The following SCAF11 variants were observed in gnomAD, a reference collection of about 807,000 sequenced individuals.
SCAF11 encodes the protein protein SCAF11.
A neutral mutation model predicts 140.5 loss-of-function variants in SCAF11; 47 were observed. The ratio of observed to expected loss-of-function variants is 0.33; its 90% CI spans 0.26 to 0.43. The LOEUF (loss-of-function observed/expected upper bound fraction) is 0.43. Among genes scored for constraint, SCAF11 ranks in the 20% least tolerant of loss-of-function variants. The probability of loss-of-function intolerance (pLI) is 1.00; values close to 1 mark genes in which losing one functional copy is unlikely to be tolerated. For synonymous variants in SCAF11, 557 were observed against 579.4 expected, an observed-to-expected ratio of 0.96 and a Z score of 0.55; for missense variants, 1,645 against 1,705.1, an observed-to-expected ratio of 0.96 and a Z score of 0.62.
chr12:45,979,291 G>A (rs1266483437), intron 1 of SCAF11, among the ~76,000 whole-genome samples: 5 of 151,674 alleles, frequency 3.3e-5, no homozygotes, highest in African/African-American at 9.7e-5. Flanking sequence ...ATTTTGGAGA[G>A]GGCATAAACA....
intron 6 of SCAF11, 72 bp downstream of exon 6, chr12:45,945,177 A>G (rs1945391157): frequency 1.2e-6 from 1 of 868,748 alleles, no homozygotes; most frequent in Non-Finnish European, 1.9e-6. Context: ...TACTGATGAG[A>G]ACTCTGACAC....
At chr12:45,943,775 C>T (rs1300526463) in intron 6 of SCAF11, among the ~76,000 whole-genome samples, 1 of 152,288 alleles carries the variant, frequency 6.6e-6, no homozygotes, top group East Asian at 1.9e-4. Flanking sequence ...CTAAACCAAA[C>T]AAACGACTTC....
chr12:45,929,936 T>A (rs1415680267), intron 10 of SCAF11: 1 of 152,172 alleles, frequency 6.6e-6, no homozygotes, highest in Non-Finnish European at 1.5e-5. Context: ...ATTGAAACAG[T>A]TTTTACTCCC....
In SCAF11 at chr12:45,939,525, CCT is replaced by C. The variant is rs375594015; in HGVS notation, c.464-5022_464-5021del. 2.6e-3 allele frequency among the ~76,000 whole-genome samples: 397 copies of C among 152,156 alleles called. 13 individuals carry two copies. In the South Asian group the frequency reaches 0.068, roughly 26 times the overall value. On this transcript the variant is annotated intron_variant, in intron 6 of 14. Coordinates refer to ENST00000369367, the MANE Select transcript of SCAF11 (RefSeq NM_004719.3). ...AGCCTGACCAACATGGTGAAATTCCCCTGTCTCTACTAAAAATACAAAAGTAG... is the reference window on the plus strand; with the variant it reads ...AGCCTGACCAACATGGTGAAATTCCCGTCTCTACTAAAAATACAAAAGTAG...
chr12:45,967,314 A>C (rs1945972746), intron 1 of SCAF11, among the ~76,000 whole-genome samples: 1 of 152,174 alleles, frequency 6.6e-6, no homozygotes, highest in South Asian at 2.1e-4. Context: ...GAAACTGAGA[A>C]ACCTCAATCA....
intron 1 of SCAF11, among the ~76,000 whole-genome samples, chr12:45,982,656 G>C (rs910652673): frequency 6.6e-6 from 1 of 152,220 alleles, no homozygotes; most frequent in African/African-American, 2.4e-5. Context: ...AGTGAACCGA[G>C]ATTGTACCAC....
At chr12:45,939,635 T>C (rs1016012087) in intron 6 of SCAF11, among the ~76,000 whole-genome samples, 1 of 152,130 alleles carries the variant, frequency 6.6e-6, no homozygotes, top group Non-Finnish European at 1.5e-5. Context: ...GAGGCGGAGG[T>C]TGCAGTGAGC....
intron 1 of SCAF11, among the ~76,000 whole-genome samples, chr12:45,977,143 T>C (rs1350801702): frequency 2.0e-5 from 3 of 152,042 alleles, no homozygotes; most frequent in Non-Finnish European, 4.4e-5. Context: ...AATCATTTTA[T>C]GAATCCAGCA....
At chr12:45,953,061 G>T (rs1271781591) in intron 3 of SCAF11, among the ~76,000 whole-genome samples, 1 of 152,078 alleles carries the variant, frequency 6.6e-6, no homozygotes, top group Non-Finnish European at 1.5e-5. Flanking sequence ...CTTTTAAGTG[G>T]GCTTCAATGG....
chr12:45,959,383 A>C (rs1945772290), intron 3 of SCAF11, among the ~76,000 whole-genome samples: 1 of 152,248 alleles, frequency 6.6e-6, no homozygotes, highest in African/African-American at 2.4e-5. Context: ...GTAAGTTTAG[A>C]ATCCTTGTCT....
intron 1 of SCAF11, among the ~76,000 whole-genome samples, chr12:45,986,344 A>C (rs1255918413): frequency 6.6e-6 from 1 of 152,106 alleles, no homozygotes; most frequent in Non-Finnish European, 1.5e-5. Context: ...TCATCTTTCA[A>C]ATTTCTTTCT....
chr12:45,942,802 C>T (rs1429204345), intron 6 of SCAF11, among the ~76,000 whole-genome samples: 1 of 152,118 alleles, frequency 6.6e-6, no homozygotes, highest in Non-Finnish European at 1.5e-5. Context: ...AATCTTTTAC[C>T]CAGCTTTATT....
chr12:45,957,229 T>C (rs1357876470), intron 3 of SCAF11, among the ~76,000 whole-genome samples: 1 of 152,212 alleles, frequency 6.6e-6, no homozygotes, highest in Non-Finnish European at 1.5e-5. Context: ...TTTTTAAAAT[T>C]AGAATTTGAG....
Position 45,919,444 on chromosome 12 carries a change from T to C in SCAF11, c.*2604A>G, listed in dbSNP as rs376328525. Reference sequence around the variant, plus strand: ...AAATTCTAGGCATTTCTATAAAACATTGGTCAATGTGACTAGTAAGTTAAC... The same window carrying C: ...AAATTCTAGGCATTTCTATAAAACACTGGTCAATGTGACTAGTAAGTTAAC... On this transcript the variant is annotated 3_prime_UTR_variant, in exon 15 of 15. Coordinates refer to ENST00000369367, the MANE Select transcript of SCAF11 (RefSeq NM_004719.3). 4 of 152,698 alleles carry C rather than the reference T, an allele frequency of 2.6e-5. No homozygotes were observed. Among genetic ancestry groups the C allele is most frequent in the East Asian group, 1.9e-4 (1 of 5,186 alleles). 9.5% of individuals were successfully genotyped at this position (152,698 alleles called of 1,614,324 possible).
intron 3 of SCAF11, among the ~76,000 whole-genome samples, chr12:45,952,708 A>G (rs1029411285): frequency 1.3e-5 from 2 of 152,218 alleles, no homozygotes; most frequent in Admixed American, 1.3e-4. Context: ...AAAGAATTTA[A>G]GATGAAATGT....
rs138357286 is a variant in SCAF11, at chr12:45,928,142, C to T, written c.1559G>A (p.Gly520Asp). Residue 520 changes from glycine to aspartate, a missense_variant, in exon 11 of 15, where the codon GGT becomes GAT. Around this residue, in one of 2 missense-constraint regions of SCAF11, gnomAD observed 1,582 missense variants for 1,609.2 expected, o/e 0.98. Transcript: ENST00000369367. ...CTGGTCTTGCTTTTCCAATGGATCACCTCCTTTTTCAAGAATATTTTCAGA... is the reference window on the plus strand; with the variant it reads ...CTGGTCTTGCTTTTCCAATGGATCATCTCCTTTTTCAAGAATATTTTCAGA... ...EISENILEKG[G>D]DPLEKQDQIS... 7.4e-5 allele frequency: 119 copies of T among 1,613,928 alleles called. No individual in the cohort carries two copies. The African/African-American group carries it at 1.5e-3, about 20-fold the overall frequency.
At chr12:45,989,141 A>G (rs1349453123) in intron 1 of SCAF11, among the ~76,000 whole-genome samples, 1 of 152,232 alleles carries the variant, frequency 6.6e-6, no homozygotes, top group African/African-American at 2.4e-5. Context: ...TTTTAATACA[A>G]TTACTAATAA....
chr12:45,989,985 C>A (rs555094426), intron 1 of SCAF11, among the ~76,000 whole-genome samples: 28 of 152,054 alleles, frequency 1.8e-4, no homozygotes, highest in Non-Finnish European at 3.4e-4. Flanking sequence ...TCCCCCCCCC[C>A]CGTAGGACCC....
chr12:45,947,400 G>C (rs141093875), intron 5 of SCAF11, among the ~76,000 whole-genome samples: 4 of 152,196 alleles, frequency 2.6e-5, no homozygotes, highest in East Asian at 1.9e-4. Context: ...CTAAAAAAAA[G>C]AAACCTGTAT....
Sources: gnomAD v4.1 joint callset for allele counts (sites outside exome capture counted in the v4.1 genomes callset) on GRCh38, gnomAD v4.1.1 for gene constraint, gnomAD v4.1.1 regional missense constraint, MANE v1.5 for transcripts, NCBI Gene and HGNC (gene_info 2026-07-23, HGNC 2026-07-21) for gene names.